The following MBD2 variants were observed in gnomAD, a reference collection of about 807,000 sequenced individuals.
MBD2 encodes the protein methyl-CpG binding domain protein 2, also known as methyl-CpG-binding domain protein 2.
A neutral mutation model predicts 39.3 loss-of-function variants in MBD2; 9 were observed. The observed-to-expected ratio is 0.23, with a 90% confidence interval of 0.14 to 0.40. The LOEUF is 0.40. Among genes scored for constraint, MBD2 ranks in the 10% least tolerant of loss-of-function variants. MBD2 has a pLI of 1.00. For synonymous variants in MBD2, 233 were observed against 211.1 expected (o/e 1.10, Z -0.90); for missense variants, 458 against 532.6 (o/e 0.86, Z 1.38).
intron 1 of MBD2, among the ~76,000 whole-genome samples, chr18:54,205,377 G>C (rs2086440712): frequency 6.6e-6 from 1 of 151,940 alleles, no homozygotes; most frequent in Non-Finnish European, 1.5e-5. Context: ...ATCAAGACCA[G>C]TCCGGCCAAC....
At chr18:54,166,664 A>T (rs2086135075) in intron 3 of MBD2, among the ~76,000 whole-genome samples, 2 of 152,182 alleles carry the variant, frequency 1.3e-5, no homozygotes, top group African/African-American at 4.8e-5. Context: ...ACCATTTTCA[A>T]TGAAAAGTTT....
At chr18:54,185,375 T>C in intron 3 of MBD2, among the ~76,000 whole-genome samples, 1 of 152,292 alleles carries the variant, frequency 6.6e-6, no homozygotes, top group East Asian at 1.9e-4. Context: ...AAATTACTAT[T>C]CAAAGACTGT....
rs190359860 is a variant in MBD2, at chr18:54,183,918, C to A, written c.840+4956G>T. Among the ~76,000 whole-genome samples, 9 of 152,070 alleles carry A rather than the reference C, an allele frequency of 5.9e-5. No individual in the cohort carries two copies. In the East Asian group the frequency reaches 1.7e-3, roughly 29 times the overall value. The stretch of plus-strand genomic sequence containing the variant: ...AAGGAGGAAGTGTATCTGCAGAGTA[C>A]AGGTGTTGGAATTAGCTTTAGGCCA... On this transcript the variant is annotated intron_variant, in intron 3 of 6. Transcript: ENST00000256429.
At chr18:54,209,310 A>G in intron 1 of MBD2, among the ~76,000 whole-genome samples, 1 of 151,648 alleles carries the variant, frequency 6.6e-6, no homozygotes, top group East Asian at 1.9e-4. Context: ...AAAAAAAAAA[A>G]AAAAAAAAAA....
At chr18:54,175,096 T>C (rs2086202540) in intron 3 of MBD2, among the ~76,000 whole-genome samples, 1 of 152,232 alleles carries the variant, frequency 6.6e-6, no homozygotes, top group Non-Finnish European at 1.5e-5. Context: ...TTATTTTAGC[T>C]CTCATGTATT....
At chr18:54,210,456 T>C (rs751729345) in intron 1 of MBD2, among the ~76,000 whole-genome samples, 2 of 152,154 alleles carry the variant, frequency 1.3e-5, no homozygotes, top group Non-Finnish European at 2.9e-5. Context: ...TAAAATTACA[T>C]CTCCAGAAGA....
At chr18:54,219,268 T>A (rs1170615779) in intron 1 of MBD2, among the ~76,000 whole-genome samples, 4 of 152,228 alleles carry the variant, frequency 2.6e-5, no homozygotes, top group Non-Finnish European at 4.4e-5. Flanking sequence ...ACAAAATGCA[T>A]AGCCTTATTA....
In MBD2 at chr18:54,171,382, G is replaced by C. The variant is rs534491940; in HGVS notation, c.841-5216C>G. ...ATTGCACTCCAGCCTGGGTGACAGA[G>C]CAAAACTCCATCTCAAAAAAAAAAG... is the stretch of plus-strand genomic sequence containing the variant. On this transcript the variant is annotated intron_variant, in intron 3 of 6. Coordinates refer to ENST00000256429, the MANE Select transcript of MBD2 (RefSeq NM_003927.5). Among the ~76,000 whole-genome samples the C allele has an allele frequency of 4.6e-5, 7 of 151,796 alleles. No individual in the cohort carries two copies. In the South Asian group the frequency reaches 6.3e-4, roughly 14 times the overall value.
intron 3 of MBD2, among the ~76,000 whole-genome samples, chr18:54,166,967 A>C (rs143047939): frequency 2.8e-4 from 42 of 152,284 alleles, no homozygotes; most frequent in African/African-American, 1.0e-3. Context: ...CATCCATTCA[A>C]CATATCTTTA....
Position 54,220,397 on chromosome 18 carries a change from G to A in MBD2, c.542+3621C>T, listed in dbSNP as rs1036685465. On this transcript the variant is annotated intron_variant, in intron 1 of 6. Transcript: ENST00000256429. Reference sequence around the variant, plus strand: ...AGGCATAATTATATTGCGTTAACTGGCAACTAGGGGCACGCCTTCCTATTA... The same window carrying A: ...AGGCATAATTATATTGCGTTAACTGACAACTAGGGGCACGCCTTCCTATTA... Among the ~76,000 whole-genome samples the A allele has an allele frequency of 2.6e-5, 4 of 151,734 alleles. No individual in the cohort carries two copies. The South Asian group carries it at 8.3e-4, about 32-fold the overall frequency.
At chr18:54,222,271 T>A (rs1157577440) in intron 1 of MBD2, 1 of 457,118 alleles carries the variant, frequency 2.2e-6, no homozygotes, top group Non-Finnish European at 4.3e-6. Context: ...AACCTTTTTT[T>A]TTAATCAGAA....
chr18:54,192,292 G>T (rs2086325634), intron 2 of MBD2, among the ~76,000 whole-genome samples: 1 of 152,166 alleles, frequency 6.6e-6, no homozygotes. Flanking sequence ...GAGTGCAGTG[G>T]CGCGATCTTG....
At chr18:54,196,396 T>C (rs2086367311) in intron 2 of MBD2, among the ~76,000 whole-genome samples, 1 of 152,170 alleles carries the variant, frequency 6.6e-6, no homozygotes, top group Non-Finnish European at 1.5e-5. Context: ...AATAACTTAC[T>C]GGAGCTTTAG....
intron 1 of MBD2, among the ~76,000 whole-genome samples, chr18:54,208,886 T>G (rs115532687): frequency 0.018 from 2,672 of 152,346 alleles, 80 homozygotes; most frequent in African/African-American, 0.061. Context: ...TAATTTGAAC[T>G]CAATTAAAAG....
chr18:54,166,426 T>C (rs963728111), intron 3 of MBD2, among the ~76,000 whole-genome samples: 1 of 152,222 alleles, frequency 6.6e-6, no homozygotes, highest in African/African-American at 2.4e-5. Context: ...ATATGCTGTA[T>C]ACTATGTATA....
At chr18:54,157,458 G>A (rs138667899) in intron 6 of MBD2, among the ~76,000 whole-genome samples, 5 of 151,768 alleles carry the variant, frequency 3.3e-5, no homozygotes, top group African/African-American at 4.8e-5. Context: ...ACAGGGTTTC[G>A]TCATGTTGGC....
chr18:54,175,633 A>G (rs1407848463), intron 3 of MBD2, among the ~76,000 whole-genome samples: 2 of 152,154 alleles, frequency 1.3e-5, no homozygotes, highest in Non-Finnish European at 2.9e-5. Context: ...AGCCATCTTT[A>G]TCTTCCCCTC....
chr18:54,182,301 G>A (rs2086256782), intron 3 of MBD2, among the ~76,000 whole-genome samples: 1 of 152,214 alleles, frequency 6.6e-6, no homozygotes, highest in Non-Finnish European at 1.5e-5. Context: ...ACTAAGGAAT[G>A]TCTCTAAATC....
intron 2 of MBD2, among the ~76,000 whole-genome samples, chr18:54,195,697 T>A (rs935158672): frequency 1.3e-5 from 2 of 151,776 alleles, no homozygotes; most frequent in Non-Finnish European, 2.9e-5. Flanking sequence ...AACTGGACCA[T>A]CCATATATAG....
Sources: gnomAD v4.1 joint callset for allele counts (sites outside exome capture counted in the v4.1 genomes callset) on GRCh38, gnomAD v4.1.1 for gene constraint, MANE v1.5 for transcripts, NCBI Gene and HGNC (gene_info 2026-07-23, HGNC 2026-07-21) for gene names.